The following PHF14 variants were observed in gnomAD, a reference collection of about 807,000 sequenced individuals.
PHF14 encodes PHD finger protein 14.
PHF14 carries 55 observed loss-of-function variants against 117.9 expected under a neutral mutation model. The ratio of observed to expected loss-of-function variants is 0.47; its 90% confidence interval spans 0.38 to 0.58. The LOEUF is 0.58. Ranked by LOEUF, PHF14 falls within the 20% of genes least tolerant of loss-of-function variation. PHF14 has a pLI of 0.00. For synonymous variants in PHF14, 409 were observed against 368.6 expected (o/e 1.11, Z -1.26); for missense variants, 978 against 1,122.2 (o/e 0.87, Z 1.84).
In PHF14 at chr7:11,036,431, C is replaced by A; in HGVS notation, c.1616C>A (p.Ala539Asp). ...TTTCTTTTATAGGCAAGGATCAATG[C>A]CCGGCTTCAGCAGTATCGTGCCAAA... ...LSPEAQARIN[A>D]RLQQYRAKAE... The change falls in exon 9 of 18, where the codon GCC (alanine) becomes GAC (aspartate). Residue 539 changes from alanine to aspartate, a missense_variant. This residue lies in a region of PHF14 where 237 missense variants were observed against 276.4 expected (regional missense o/e 0.86). Transcript: ENST00000634607. The A allele has an allele frequency of 6.2e-7, 1 of 1,611,628 alleles. No individual in the cohort carries two copies. Among genetic ancestry groups the A allele is most frequent in the Non-Finnish European group, 8.5e-7 (1 of 1,178,186 alleles).
chr7:11,062,270 T>C (rs1785252183), intron 16 of PHF14, 185 bp downstream of exon 16: 1 of 423,406 alleles, frequency 2.4e-6, no homozygotes, highest in Admixed American at 4.2e-5. Flanking sequence ...ATACTCTGGA[T>C]TTAAATGTAA....
In PHF14 at chr7:11,169,492, A is replaced by G; in HGVS notation, c.*2A>G. The G allele has an allele frequency of 1.4e-6, 2 of 1,427,382 alleles. No homozygotes were observed. Among genetic ancestry groups the G allele is most frequent in the Non-Finnish European group, 1.9e-6 (2 of 1,054,168 alleles). 88.4% of individuals were successfully genotyped at this position (1,427,382 alleles called of 1,614,324 possible). Reference sequence around the variant, plus strand: ...GAACAGAAAAATCCAAAGAAATAAAAGATTTTCTGTAGTGTTTTTGAAAAG... The same window carrying G: ...GAACAGAAAAATCCAAAGAAATAAAGGATTTTCTGTAGTGTTTTTGAAAAG... On this transcript the variant is annotated 3_prime_UTR_variant, in exon 18 of 18. Coordinates refer to ENST00000634607, the MANE Select transcript of PHF14 (RefSeq NM_001007157.2).
At chr7:11,138,020 A>C (rs1788275567) in intron 17 of PHF14, among the ~76,000 whole-genome samples, 1 of 150,622 alleles carries the variant, frequency 6.6e-6, no homozygotes, top group African/African-American at 2.4e-5. Flanking sequence ...AAATTTCATG[A>C]GGAAACAGGG....
intron 16 of PHF14, among the ~76,000 whole-genome samples, chr7:11,088,157 A>T (rs911310822): frequency 6.6e-6 from 1 of 152,198 alleles, no homozygotes; most frequent in African/African-American, 2.4e-5. Flanking sequence ...TAACCTATGC[A>T]TATGTTCCTG....
intron 3 of PHF14, among the ~76,000 whole-genome samples, chr7:10,985,874 A>G (rs1782206631): frequency 1.3e-5 from 2 of 151,920 alleles, no homozygotes; most frequent in Admixed American, 1.3e-4. Flanking sequence ...GCTGTTCTCC[A>G]ACTCCTGACC....
chr7:11,039,951 TTTTGGCTTGA>T (rs1483581869), intron 11 of PHF14, among the ~76,000 whole-genome samples: 94 of 152,294 alleles, frequency 6.2e-4, no homozygotes, highest in African/African-American at 2.1e-3. Context: ...TAGCATTATC[TTTTGGCTTGA>T]TTTGCAAGTT....
At chr7:11,027,153 A>G (rs79738171) in intron 6 of PHF14, among the ~76,000 whole-genome samples, 2,390 of 152,306 alleles carry the variant, frequency 0.016, 50 homozygotes, top group African/African-American at 0.055. Context: ...ATTACATGAA[A>G]TTATCCAGAT....
In PHF14 at chr7:10,974,137, G is replaced by C. The variant is rs538674004; in HGVS notation, c.-187G>C. On this transcript the variant is annotated 5_prime_UTR_variant, in exon 1 of 18. Coordinates refer to ENST00000634607, the MANE Select transcript of PHF14 (RefSeq NM_001007157.2). ...GAGCGGCCAGGGCCAGGCGAGGCCG[G>C]GGGGGCGGGGGGTTAGGGGACCGCG... 15 of 600,040 alleles carry C rather than the reference G, an allele frequency of 2.5e-5. No homozygotes were observed. The highest frequency in any genetic ancestry group is 4.2e-5 in the Non-Finnish European group (14 of 334,032). 37.2% of individuals were successfully genotyped at this position (600,040 alleles called of 1,614,324 possible).
At chr7:11,157,302 T>C (rs1788892395) in intron 17 of PHF14, among the ~76,000 whole-genome samples, 2 of 151,970 alleles carry the variant, frequency 1.3e-5, no homozygotes, top group South Asian at 4.1e-4. Flanking sequence ...AAATGTCTAA[T>C]ATGAGTCAAA....
At chr7:10,985,218 A>G (rs1412832409) in intron 3 of PHF14, among the ~76,000 whole-genome samples, 3 of 152,136 alleles carry the variant, frequency 2.0e-5, no homozygotes, top group Admixed American at 6.5e-5. Context: ...CCTGTGGCCA[A>G]TGTTTGGGTC....
At chr7:11,067,664 A>G (rs1192677842) in intron 16 of PHF14, among the ~76,000 whole-genome samples, 1 of 152,180 alleles carries the variant, frequency 6.6e-6, no homozygotes, top group Non-Finnish European at 1.5e-5. Context: ...TGGATAATTG[A>G]TAAAGAAGGA....
chr7:10,974,066 G>A lies in PHF14; in HGVS notation c.-258G>A. On this transcript the variant is annotated 5_prime_UTR_variant, in exon 1 of 18. Coordinates refer to ENST00000634607, the MANE Select transcript of PHF14 (RefSeq NM_001007157.2). ...GGCCGCCGGGTTGACTGCGCTGCCTGGGCCGGAGGTCTTCTCCGGCCAGGG... is the reference window on the plus strand; with the variant it reads ...GGCCGCCGGGTTGACTGCGCTGCCTAGGCCGGAGGTCTTCTCCGGCCAGGG... 1 of 462,476 alleles carries A rather than the reference G, an allele frequency of 2.2e-6. No homozygotes were observed. Among genetic ancestry groups the A allele is most frequent in the Non-Finnish European group, 3.9e-6 (1 of 255,964 alleles). 28.6% of individuals were successfully genotyped at this position (462,476 alleles called of 1,614,324 possible). A position where few individuals can be genotyped will look rare whatever the true frequency, so the allele number is the denominator to read the frequency against.
chr7:11,155,763 T>C (rs1446295748), intron 17 of PHF14, among the ~76,000 whole-genome samples: 1 of 145,786 alleles, frequency 6.9e-6, no homozygotes, highest in Admixed American at 6.8e-5. Context: ...ATATACAATG[T>C]TTTTTTTTTG....
chr7:11,122,631 C>T lies in PHF14; in HGVS notation c.2772+11164C>T, dbSNP rs967559251. On this transcript the variant is annotated intron_variant, in intron 17 of 17. Transcript: ENST00000634607. Reference sequence around the variant, plus strand: ...AGCATATGTTTCTTTATTTGTTTCCCTTCATGTTACTTTAAAAATTGAATT... The same window carrying T: ...AGCATATGTTTCTTTATTTGTTTCCTTTCATGTTACTTTAAAAATTGAATT... Among the ~76,000 whole-genome samples the T allele has an allele frequency of 4.0e-5, 6 of 151,684 alleles. 1 individual carries two copies. Among genetic ancestry groups the T allele is most frequent in the African/African-American group, 1.5e-4 (6 of 41,342 alleles).
intron 6 of PHF14, 72 bp downstream of exon 6, chr7:11,023,051 T>C (rs1783788104): frequency 1.4e-6 from 1 of 719,076 alleles, no homozygotes; most frequent in African/African-American, 1.8e-5. Context: ...GCTTTTTATT[T>C]GTATTATGTT....
At chr7:11,142,798 A>T (rs1325265521) in intron 17 of PHF14, among the ~76,000 whole-genome samples, 1 of 152,160 alleles carries the variant, frequency 6.6e-6, no homozygotes, top group Non-Finnish European at 1.5e-5. Context: ...TTACTAGATT[A>T]CAGTTTTCTA....
intron 4 of PHF14, among the ~76,000 whole-genome samples, chr7:10,996,316 T>A (rs1470944884): frequency 2.6e-5 from 4 of 152,208 alleles, no homozygotes; most frequent in Non-Finnish European, 4.4e-5. Flanking sequence ...TTATGTAAGA[T>A]GTTAGGACTA....
intron 17 of PHF14, among the ~76,000 whole-genome samples, chr7:11,131,407 G>T (rs1045198332): frequency 2.0e-5 from 3 of 151,906 alleles, no homozygotes; most frequent in Admixed American, 6.6e-5. Flanking sequence ...GACATGTAGT[G>T]TTGAGCATCT....
At position 11,131,805 on chromosome 7, in the gene PHF14, T is replaced by G. The variant is rs376296159; in HGVS notation, c.2772+20338T>G. Among the ~76,000 whole-genome samples the G allele has an allele frequency of 2.9e-4, 44 of 151,952 alleles. 1 individual carries two copies. The South Asian group carries it at 6.2e-3, about 21-fold the overall frequency. On this transcript the variant is annotated intron_variant, in intron 17 of 17. Transcript: ENST00000634607. ...GTGAGTTAATTTTTGTGAAAGGTGT[T>G]AGACCTGTGCCTACGTTCTCTCTCT...
Sources: allele counts gnomAD v4.1 joint callset (sites outside exome capture counted in the v4.1 genomes callset), GRCh38; gene constraint gnomAD v4.1.1; regional missense constraint gnomAD v4.1.1; transcripts MANE v1.5; gene names NCBI Gene and HGNC (gene_info 2026-07-23, HGNC 2026-07-21).